The following ADGRL2 variants were observed in gnomAD, a reference collection of about 807,000 sequenced individuals.
ADGRL2 encodes calcium-independent alpha-latrotoxin receptor 2.
A neutral mutation model predicts 157.4 loss-of-function variants in ADGRL2; 44 were observed. The ratio of observed to expected loss-of-function variants is 0.28; its 90% CI spans 0.22 to 0.36. The LOEUF (loss-of-function observed/expected upper bound fraction) is 0.36. Among genes scored for constraint, ADGRL2 ranks in the 10% least tolerant of loss-of-function variants. The pLI, the probability that ADGRL2 is intolerant of heterozygous loss-of-function variation, is 1.00. For missense variants in ADGRL2, 1,510 were observed against 1,768.9 expected (o/e 0.85, Z 2.63); for synonymous variants, 585 against 624.7 (o/e 0.94, Z 0.95).
At chr1:81,544,918 C>T (rs1260249738) in intron 2 of ADGRL2, among the ~76,000 whole-genome samples, 2 of 152,150 alleles carry the variant, frequency 1.3e-5, no homozygotes, top group East Asian at 1.9e-4. Context: ...GATGATCTTT[C>T]CATCAGTTTC....
At chr1:81,663,035 T>A (rs1052764805) in intron 3 of ADGRL2, among the ~76,000 whole-genome samples, 1 of 151,758 alleles carries the variant, frequency 6.6e-6, no homozygotes, top group African/African-American at 2.4e-5. Context: ...TTAAACCTTA[T>A]CTTGTTCCCC....
At chr1:81,635,081 C>G (rs1218571176) in intron 3 of ADGRL2, among the ~76,000 whole-genome samples, 2 of 152,148 alleles carry the variant, frequency 1.3e-5, no homozygotes, top group Non-Finnish European at 2.9e-5. Flanking sequence ...AGCCTATCCT[C>G]TTGGTCTCTG....
chr1:81,868,060 GGTGTGTGTGTGT>G (rs145794673), intron 2 of ADGRL2, among the ~76,000 whole-genome samples: 2 of 145,560 alleles, frequency 1.4e-5, no homozygotes, highest in Non-Finnish European at 3.0e-5. Context: ...GTGTGTGTGT[GGTGTGTGTGTGT>G]GTGTGTGTGT....
intron 2 of ADGRL2, among the ~76,000 whole-genome samples, chr1:81,464,927 C>T (rs1349003521): frequency 1.4e-5 from 1 of 72,274 alleles, no homozygotes; most frequent in Non-Finnish European, 3.3e-5. Flanking sequence ...AAATAGCCAC[C>T]AGGGAGAAAA....
At chr1:81,556,232 T>G (rs1219513478) in intron 2 of ADGRL2, among the ~76,000 whole-genome samples, 1 of 152,058 alleles carries the variant, frequency 6.6e-6, no homozygotes, top group Non-Finnish European at 1.5e-5. Context: ...TTTACATATT[T>G]TTCTACACAC....
chr1:81,525,960 G>A (rs985507240), intron 2 of ADGRL2, among the ~76,000 whole-genome samples: 5 of 152,238 alleles, frequency 3.3e-5, no homozygotes, highest in East Asian at 3.9e-4. Context: ...TGAGTTGAAC[G>A]CTAATAACTA....
At chr1:81,782,250 G>A (rs957721018) in intron 2 of ADGRL2, among the ~76,000 whole-genome samples, 1 of 152,094 alleles carries the variant, frequency 6.6e-6, no homozygotes, top group Non-Finnish European at 1.5e-5. Context: ...CTTGATTAAT[G>A]TTCATCCCCT....
At chr1:81,407,162 C>A (rs2076867626) in intron 1 of ADGRL2, among the ~76,000 whole-genome samples, 1 of 152,232 alleles carries the variant, frequency 6.6e-6, no homozygotes, top group South Asian at 2.1e-4. Context: ...TAAGGACCAC[C>A]CTATTGTTCA....
chr1:81,916,803 A>G (rs1457432022), intron 3 of ADGRL2, among the ~76,000 whole-genome samples: 1 of 152,016 alleles, frequency 6.6e-6, no homozygotes, highest in African/African-American at 2.4e-5. Flanking sequence ...TGTACATTTT[A>G]AGGAGATATC....
intron 1 of ADGRL2, among the ~76,000 whole-genome samples, chr1:81,319,517 G>A (rs986474470): frequency 6.6e-6 from 1 of 151,994 alleles, no homozygotes; most frequent in Non-Finnish European, 1.5e-5. Context: ...ATCCCAATAG[G>A]CCAATGGGTC....
intron 3 of ADGRL2, among the ~76,000 whole-genome samples, chr1:81,598,650 A>G (rs377324938): frequency 6.6e-6 from 1 of 152,232 alleles, no homozygotes; most frequent in Non-Finnish European, 1.5e-5. Context: ...AAGGACATGT[A>G]TATTGCAGAA....
At chr1:81,912,064 TTTTTTTTTATTTTTTA>T (rs2094737982) in intron 3 of ADGRL2, among the ~76,000 whole-genome samples, 1 of 149,380 alleles carries the variant, frequency 6.7e-6, no homozygotes, top group African/African-American at 2.5e-5. Flanking sequence ...GTTTCTTTTA[TTTTTTTTTATTTTTTA>T]TTTTTTTTTG....
chr1:81,626,681 CAG>C (rs1276641698), intron 3 of ADGRL2, among the ~76,000 whole-genome samples: 1 of 152,166 alleles, frequency 6.6e-6, no homozygotes, highest in African/African-American at 2.4e-5. Flanking sequence ...TTCACTGTAA[CAG>C]AGTCAACTGG....
At chr1:81,892,158 GAT>G (rs959947442) in intron 2 of ADGRL2, among the ~76,000 whole-genome samples, 2 of 152,032 alleles carry the variant, frequency 1.3e-5, no homozygotes, top group African/African-American at 4.8e-5. Flanking sequence ...ATTGGGGACT[GAT>G]ATTTGAAGTG....
chr1:81,649,036 A>G (rs1330983831), intron 3 of ADGRL2, among the ~76,000 whole-genome samples: 1 of 152,162 alleles, frequency 6.6e-6, no homozygotes, highest in African/African-American at 2.4e-5. Context: ...CCAGGAGATC[A>G]TTTTTATTGA....
In ADGRL2 at chr1:81,741,399, A is replaced by G. The variant is rs75859998; in HGVS notation, c.-142-20412A>G. ...CATAGTTCACGCAGATCTAGTCTTT[A>G]CATTTCAACATTCACATCTTGAGAT... is the stretch of plus-strand genomic sequence containing the variant. On this transcript the variant is annotated intron_variant, in intron 1 of 20. Transcript: ENST00000359929. Among the ~76,000 whole-genome samples, 110 of 152,194 alleles carry G rather than the reference A, an allele frequency of 7.2e-4. 1 individual carries two copies. In the East Asian group the frequency reaches 0.02, roughly 28 times the overall value.
intron 2 of ADGRL2, among the ~76,000 whole-genome samples, chr1:81,770,074 T>G (rs2086293231): frequency 6.6e-6 from 1 of 150,970 alleles, no homozygotes; most frequent in African/African-American, 2.4e-5. Context: ...AGGCTGGTCT[T>G]GAACTCCTGA....
intron 1 of ADGRL2, among the ~76,000 whole-genome samples, chr1:81,410,003 A>G (rs944939440): frequency 6.6e-6 from 1 of 152,198 alleles, no homozygotes; most frequent in African/African-American, 2.4e-5. Context: ...CAGAGAAACA[A>G]TAAGTTAGTG....
At position 81,499,178 on chromosome 1, in the gene ADGRL2, A is replaced by G. The variant is rs142741250; in HGVS notation, c.-248+54089A>G. Among the ~76,000 whole-genome samples the G allele has an allele frequency of 4.9e-3, 748 of 152,402 alleles. 8 individuals are homozygous for G. Among genetic ancestry groups the G allele is most frequent in the African/African-American group, 0.017 (705 of 41,598 alleles). On this transcript the variant is annotated intron_variant, in intron 2 of 24. Coordinates refer to the ADGRL2 transcript ENST00000370721. ...ATAAGGGGAAACAATAAGAGAGAACATGACATGTATTCGAGAAGTAAATTA... is the reference window on the plus strand; with the variant it reads ...ATAAGGGGAAACAATAAGAGAGAACGTGACATGTATTCGAGAAGTAAATTA...
Sources: allele counts gnomAD v4.1 joint callset (sites outside exome capture counted in the v4.1 genomes callset), GRCh38; gene constraint gnomAD v4.1.1; transcripts MANE v1.5; gene names NCBI Gene and HGNC (gene_info 2026-07-23, HGNC 2026-07-21).